ADGRE3: variants seen among roughly 807,000 people sequenced by gnomAD.
ADGRE3 encodes the protein adhesion G protein-coupled receptor E3.
In ADGRE3, 88 loss-of-function variants were observed where a neutral mutation model predicts 80.1. That is an observed-to-expected ratio of 1.10 (90% CI 0.93 to 1.31). The LOEUF (loss-of-function observed/expected upper bound fraction) is 1.31. ADGRE3 is among the 40% of genes most tolerant of loss of function. The pLI is 0.00. For missense variants in ADGRE3, 715 were observed against 776.5 expected, an observed-to-expected ratio of 0.92 and a Z score of 0.94; for synonymous variants, 281 against 294.8, an observed-to-expected ratio of 0.95 and a Z score of 0.48.
At chr19:14,632,604 G>A (rs1970916156) in intron 13 of ADGRE3, among the ~76,000 whole-genome samples, 1 of 152,132 alleles carries the variant, frequency 6.6e-6, no homozygotes, top group South Asian at 2.1e-4. Context: ...GAGCAACAAA[G>A]TAGAAAGCAC....
chr19:14,674,490 C>T (rs1484941809), intron 1 of ADGRE3, among the ~76,000 whole-genome samples: 1 of 151,416 alleles, frequency 6.6e-6, no homozygotes, highest in Non-Finnish European at 1.5e-5. Context: ...GAGTGAGATT[C>T]TGTCTCAAAA....
chr19:14,639,044 A>T (rs1275643038), intron 10 of ADGRE3, among the ~76,000 whole-genome samples: 1 of 151,740 alleles, frequency 6.6e-6, no homozygotes, highest in Non-Finnish European at 1.5e-5. Context: ...TGGGACTACA[A>T]GTGTGTGCCA....
In ADGRE3 at chr19:14,671,462, C is replaced by G. The variant is rs539408235; in HGVS notation, c.26-2610G>C. Among the ~76,000 whole-genome samples, 12 of 152,206 alleles carry G rather than the reference C, an allele frequency of 7.9e-5. No homozygotes were observed. The South Asian group carries it at 2.3e-3, about 29-fold the overall frequency. On this transcript the variant is annotated intron_variant, in intron 1 of 15. Transcript: ENST00000253673. ...TCTTCCACCTCCCTCTTAAGAGGAC[C>G]TTTGTGATTATTATATTAGGCCCCC...
At chr19:14,617,378 C>CTTTCTTTCTTTCTT (rs2075087479), downstream of ADGRE3, among the ~76,000 whole-genome samples, 2 of 81,244 alleles carry the variant, frequency 2.5e-5, no homozygotes, top group South Asian at 8.4e-4. Flanking sequence ...TTCTTTCTTC[C>CTTTCTTTCTTTCTT]TTTCTTTCTT....
chr19:14,664,449 T>C (rs886087802), intron 2 of ADGRE3, among the ~76,000 whole-genome samples: 5 of 152,138 alleles, frequency 3.3e-5, no homozygotes, highest in Admixed American at 3.3e-4. Context: ...TTGACATCTG[T>C]AATTCCAGTG....
Position 14,633,301 on chromosome 19 carries a change from A to G in ADGRE3, c.1486T>C (p.Cys496Arg). Reference protein sequence around the residue: ...WPHLYGTADRCWLHLDQGFMW... With the variant: ...WPHLYGTADRRWLHLDQGFMW... ...AATCCCTGGTCCAGGTGGAGCCAGC[A>G]TCTAGGAACAGTGGGAAAAGAGATA... is the stretch of plus-strand genomic sequence containing the variant. Residue 496 changes from cysteine to arginine, a missense_variant and splice_region_variant, in exon 12 of 16, where the codon TGC (cysteine) becomes CGC (arginine). Transcript: ENST00000253673. 2 of 1,610,806 alleles carry G rather than the reference A, an allele frequency of 1.2e-6. No homozygotes were observed. The highest frequency in any genetic ancestry group is 1.1e-5 in the South Asian group (1 of 90,618).
At chr19:14,641,638 C>A in intron 9 of ADGRE3, 22 bp from the exon 10 acceptor site, 1 of 1,612,204 alleles carries the variant, frequency 6.2e-7, no homozygotes, top group South Asian at 1.1e-5. Flanking sequence ...AAAAAAAGTT[C>A]ACAGTGATGC....
At chr19:14,602,521 T>C in the ADGRE3 span, among the ~76,000 whole-genome samples, 1 of 151,390 alleles carries the variant, frequency 6.6e-6, no homozygotes, top group African/African-American at 2.4e-5. Flanking sequence ...CTGGAACTCC[T>C]GACCTCAAGT....
Position 14,644,291 on chromosome 19 carries a change from A to AGAAAATT in ADGRE3, c.883-17_883-16insAATTTTC, listed in dbSNP as rs750771165. ...TGGGGGTCATCTGAAAATAGAAAAT[A>AGAAAATT]GAAAGGGCTCATTGTCTTTGTCTTT... On this transcript the variant is annotated splice_polypyrimidine_tract_variant and intron_variant, in intron 8 of 15. Transcript: ENST00000253673. 5.4e-6 allele frequency: 8 copies of AGAAAATT among 1,474,478 alleles called. No individual in the cohort carries two copies. The highest frequency in any genetic ancestry group is 7.2e-6 in the Non-Finnish European group (8 of 1,105,484). The allele number at this position is 1,474,478 out of a possible 1,614,324, so 91.3% of individuals were successfully genotyped here.
chr19:14,666,459 C>T (rs997036799), intron 2 of ADGRE3, among the ~76,000 whole-genome samples: 5 of 151,740 alleles, frequency 3.3e-5, no homozygotes, highest in African/African-American at 1.2e-4. Flanking sequence ...TCACTGCAGC[C>T]TCCACCTCCT....
chr19:14,674,638 AGT>A (rs1972344828), intron 1 of ADGRE3, 106 bp downstream of exon 1: 2 of 1,105,340 alleles, frequency 1.8e-6, no homozygotes, highest in South Asian at 2.9e-5. Flanking sequence ...AAAAGGTGAG[AGT>A]GTTCAGAGCA....
At chr19:14,653,348 G>A (rs2146873567) in intron 6 of ADGRE3, among the ~76,000 whole-genome samples, 1 of 151,864 alleles carries the variant, frequency 6.6e-6, no homozygotes, top group Non-Finnish European at 1.5e-5. Context: ...ACCTCAATTT[G>A]ACTTGTTTTT....
intron 15 of ADGRE3, among the ~76,000 whole-genome samples, chr19:14,624,059 G>A (rs1170068190): frequency 4.0e-5 from 6 of 151,008 alleles, no homozygotes; most frequent in Non-Finnish European, 1.5e-5. Flanking sequence ...TTAGCCTCCC[G>A]AGTAGCTAGG....
chr19:14,600,836 G>T, the ADGRE3 span, among the ~76,000 whole-genome samples: 149 of 146,804 alleles, frequency 1.0e-3, 1 homozygote, highest in African/African-American at 3.4e-3. Flanking sequence ...TGATCTGCCC[G>T]CCTCGGCCTC....
intron 6 of ADGRE3, among the ~76,000 whole-genome samples, chr19:14,653,951 T>TG (rs1971677242): frequency 9.6e-5 from 1 of 10,404 alleles, no homozygotes; most frequent in Non-Finnish European, 1.8e-4. Flanking sequence ...GTGTGTTTTT[T>TG]TTTTTTTTTT....
chr19:14,658,736 T>G (rs1266504932), intron 4 of ADGRE3, among the ~76,000 whole-genome samples, 186 bp from the exon 5 acceptor site: 1 of 152,050 alleles, frequency 6.6e-6, no homozygotes, highest in African/African-American at 2.4e-5. Context: ...AAATTTTTTA[T>G]TTTTTATTTT....
the ADGRE3 span, among the ~76,000 whole-genome samples, chr19:14,607,436 C>T: frequency 0.069 from 10,403 of 151,780 alleles, 392 homozygotes; most frequent in Middle Eastern, 0.096. Context: ...ATCTCCTGAC[C>T]TCGTGATCTG....
the ADGRE3 span, among the ~76,000 whole-genome samples, chr19:14,607,373 T>G: frequency 2.0e-5 from 3 of 150,666 alleles, no homozygotes; most frequent in East Asian, 2.0e-4. Context: ...CCGGCTAATT[T>G]TTTGTATTTT....
intron 1 of ADGRE3, among the ~76,000 whole-genome samples, chr19:14,673,465 G>A (rs1568504680): frequency 6.6e-6 from 1 of 152,210 alleles, no homozygotes; most frequent in East Asian, 1.9e-4. Flanking sequence ...GGAATTAGGA[G>A]ATTCCCATAG....
Sources: allele counts gnomAD v4.1 joint callset (sites outside exome capture counted in the v4.1 genomes callset), GRCh38; gene constraint gnomAD v4.1.1; transcripts MANE v1.5; gene names NCBI Gene and HGNC (gene_info 2026-07-23, HGNC 2026-07-21).